The following ZC3H15 variants were observed in gnomAD, a reference collection of about 807,000 sequenced individuals.
ZC3H15 encodes zinc finger CCCH-type containing 15, also known as zinc finger CCCH domain-containing protein 15.
A neutral mutation model predicts 51.2 loss-of-function variants in ZC3H15; 15 were observed. That is an observed-to-expected ratio of 0.29 (90% CI 0.20 to 0.45). The LOEUF (loss-of-function observed/expected upper bound fraction) is 0.45, where lower values mean the gene tolerates loss of function less well. Among genes scored for constraint, ZC3H15 ranks in the 20% least tolerant of loss-of-function variants. The pLI is 1.00. For synonymous variants in ZC3H15, 144 were observed against 162.8 expected, an observed-to-expected ratio of 0.88 and a Z score of 0.88; for missense variants, 381 against 494.7, an observed-to-expected ratio of 0.77 and a Z score of 2.18.
chr2:186,502,437 T>C, intron 4 of ZC3H15, 59 bp from the exon 5 acceptor site: 1 of 1,357,386 alleles, frequency 7.4e-7, no homozygotes, highest in Non-Finnish European at 1.0e-6. Context: ...TCTAAGGAGA[T>C]ATGTGTTGTG....
At chr2:186,503,368 T>C (rs1685417952) in intron 5 of ZC3H15, among the ~76,000 whole-genome samples, 2 of 152,068 alleles carry the variant, frequency 1.3e-5, no homozygotes, top group South Asian at 4.1e-4. Context: ...CCAAAGAAAA[T>C]CATTTATTCT....
chr2:186,507,616 T>C, intron 9 of ZC3H15: 1 of 349,350 alleles, frequency 2.9e-6, no homozygotes, highest in Non-Finnish European at 5.7e-6. Context: ...TTGAGTTAGG[T>C]ACTTGAAGAA....
Position 186,505,534 on chromosome 2 carries a change from T to G in ZC3H15, c.801T>G (p.Ile267Met), listed in dbSNP as rs763944141. 17 of 1,606,038 alleles carry G rather than the reference T, an allele frequency of 1.1e-5. No individual in the cohort carries two copies. The highest frequency in any genetic ancestry group is 1.4e-5 in the Non-Finnish European group (16 of 1,177,774). The change falls in exon 7 of 10, where the codon ATT becomes ATG. Residue 267 changes from isoleucine to methionine, a missense_variant. Physicochemically the swap from Ile to Met is conservative, Grantham distance 10. Transcript: ENST00000337859. ...AGAAAAGGAAAAGACAAGAAAAGAT[T>G]GATAAACTTGAACAAGATATGGAAA... ...AWKKRKRQEK[I>M]DKLEQDMERR...
chr2:186,502,604 A>T lies in ZC3H15; in HGVS notation c.534+17A>T. Reference sequence around the variant, plus strand: ...ACTCAAATAGTATGTCCTTTTCTTGAATTGAGTTGCTGTGATATTTATCAT... The same window carrying T: ...ACTCAAATAGTATGTCCTTTTCTTGTATTGAGTTGCTGTGATATTTATCAT... On this transcript the variant is annotated intron_variant, in intron 5 of 9. Transcript: ENST00000337859. 2 of 1,588,660 alleles carry T rather than the reference A, an allele frequency of 1.3e-6. No individual in the cohort carries two copies. The highest frequency in any genetic ancestry group is 1.7e-6 in the Non-Finnish European group (2 of 1,161,636).
chr2:186,500,612 C>T, intron 3 of ZC3H15: 1 of 506,974 alleles, frequency 2.0e-6, no homozygotes, highest in South Asian at 1.5e-5. Context: ...AACTGTACGT[C>T]CCAAGTTTTT....
At chr2:186,507,374 C>CCT (rs565070073) in intron 9 of ZC3H15, 207 of 456,376 alleles carry the variant, frequency 4.5e-4, no homozygotes, top group African/African-American at 3.3e-3. Flanking sequence ...TGAATACAGT[C>CCT]CTCTCTCTCT....
chr2:186,505,023 C>G (rs574611245), intron 6 of ZC3H15: 218 of 152,390 alleles, frequency 1.4e-3, no homozygotes, highest in Non-Finnish European at 2.8e-3. Context: ...ATTTTTTGTT[C>G]TATATATTTA....
rs780707749 is a variant in ZC3H15, at chr2:186,508,653, C to T, written c.1201C>T (p.Pro401Ser). The T allele has an allele frequency of 3.1e-6, 5 of 1,614,034 alleles. No individual in the cohort carries two copies. The South Asian group carries it at 4.4e-5, about 14-fold the overall frequency. Reference sequence around the variant, plus strand: ...GGAAAATGGAGCCATTGATGCTGTTCCTGTTGATGAAAATCTTTTCACTGG... The same window carrying T: ...GGAAAATGGAGCCATTGATGCTGTTTCTGTTGATGAAAATCTTTTCACTGG... ...GTENGAIDAVPVDENLFTGED... is the reference protein window; with the variant it reads ...GTENGAIDAVSVDENLFTGED... The change falls in exon 10 of 10, where the codon CCT (proline) becomes TCT (serine). Residue 401 changes from proline (P) to serine (S), a missense_variant. Pro to Ser is a moderately conservative substitution (Grantham distance 74). Around this residue, in one of 3 missense-constraint regions of ZC3H15, gnomAD observed 215 missense variants for 241.8 expected, o/e 0.89. Coordinates refer to ENST00000337859, the MANE Select transcript of ZC3H15 (RefSeq NM_018471.3).
At position 186,500,477 on chromosome 2, in the gene ZC3H15, T is replaced by C. The variant is rs146024551; in HGVS notation, c.289+184T>C. On this transcript the variant is annotated intron_variant, in intron 3 of 9. Transcript: ENST00000337859. The stretch of plus-strand genomic sequence containing the variant: ...TCCTCTGTATATGTTCACATCTGTG[T>C]CATTGTACAGCTGAACTGCAGCCAT... 9.5e-3 allele frequency: 6,242 copies of C among 656,168 alleles called. 284 individuals carry two copies. The highest frequency in any genetic ancestry group is 0.085 in the Admixed American group (3,735 of 43,884). The allele number at this position is 656,168 out of a possible 1,614,324, so 40.6% of individuals were successfully genotyped here.
intron 5 of ZC3H15, among the ~76,000 whole-genome samples, chr2:186,503,705 G>C (rs1451671071): frequency 6.6e-6 from 1 of 152,128 alleles, no homozygotes; most frequent in Non-Finnish European, 1.5e-5. Flanking sequence ...ATAGCTAATT[G>C]TATATTCTGA....
intron 3 of ZC3H15, among the ~76,000 whole-genome samples, chr2:186,501,026 C>T (rs1224713781): frequency 1.3e-5 from 2 of 152,152 alleles, no homozygotes; most frequent in African/African-American, 4.8e-5. Context: ...TGTGAAATAG[C>T]CTATGTTCTT....
chr2:186,505,201 T>C lies in ZC3H15; in HGVS notation c.718-250T>C, dbSNP rs1033288344. ...TGATTCATGTTAAAACAATTTCTTA[T>C]GACAAGTTACTCATCTTCAATGGTG... On this transcript the variant is annotated intron_variant, in intron 6 of 9. Transcript: ENST00000337859. 8 of 225,316 alleles carry C rather than the reference T, an allele frequency of 3.6e-5. No individual in the cohort carries two copies. The East Asian group carries it at 5.1e-4, about 14-fold the overall frequency. The allele number at this position is 225,316 out of a possible 1,614,324, so 14.0% of individuals were successfully genotyped here. A position where few individuals can be genotyped will look rare whatever the true frequency, so the allele number is the denominator to read the frequency against.
chr2:186,495,193 CAT>C (rs1266343941), intron 1 of ZC3H15, 38 bp from the exon 2 acceptor site: 7 of 1,235,482 alleles, frequency 5.7e-6, no homozygotes, highest in African/African-American at 4.8e-5. Context: ...TATATGGTAA[CAT>C]AAATTGCTAA....
At chr2:186,507,698 G>C (rs1388861948) in intron 9 of ZC3H15, among the ~76,000 whole-genome samples, 2 of 152,148 alleles carry the variant, frequency 1.3e-5, no homozygotes, top group Non-Finnish European at 2.9e-5. Flanking sequence ...CAAAAGCTGA[G>C]ACAGAAAAGG....
Position 186,504,227 on chromosome 2 carries a change from C to T in ZC3H15, c.717+13C>T. ...AATTGAGAGAGAGGTAACTGGTATCCTTTTCCTACCATAAAAACTGAAAGC... is the reference window on the plus strand; with the variant it reads ...AATTGAGAGAGAGGTAACTGGTATCTTTTTCCTACCATAAAAACTGAAAGC... On this transcript the variant is annotated intron_variant, in intron 6 of 9. Coordinates refer to ENST00000337859, the MANE Select transcript of ZC3H15 (RefSeq NM_018471.3). 6.5e-7 allele frequency: 1 copy of T among 1,541,486 alleles called. No individual in the cohort carries two copies. Among genetic ancestry groups the T allele is most frequent in the African/African-American group, 1.4e-5 (1 of 72,084 alleles).
chr2:186,486,512 C>T lies in ZC3H15; in HGVS notation c.75+55C>T, dbSNP rs1172565266. 2.7e-6 allele frequency: 4 copies of T among 1,500,814 alleles called. No individual in the cohort carries two copies. The South Asian group carries it at 3.9e-5, about 15-fold the overall frequency. 93.0% of individuals were successfully genotyped at this position (1,500,814 alleles called of 1,614,324 possible). ...CGCGAGCCCTCCGGAAAGCCACTTC[C>T]CCGCTCCGGGCTTCCCTGGGAGCCG... On this transcript the variant is annotated intron_variant, in intron 1 of 9. Coordinates refer to ENST00000337859, the MANE Select transcript of ZC3H15 (RefSeq NM_018471.3).
chr2:186,508,638 G>A lies in ZC3H15; in HGVS notation c.1186G>A (p.Ala396Thr), dbSNP rs1574428938. Residue 396 changes from alanine (A) to threonine (T), a missense_variant, in exon 10 of 10, where the codon GCC (alanine) becomes ACC (threonine). By Grantham distance (58) the Ala-to-Thr change is moderately conservative (BLOSUM62 0). Around this residue, in one of 3 missense-constraint regions of ZC3H15, gnomAD observed 215 missense variants for 241.8 expected, o/e 0.89. Coordinates refer to ENST00000337859, the MANE Select transcript of ZC3H15 (RefSeq NM_018471.3). The stretch of plus-strand genomic sequence containing the variant: ...CGAGAGGGAGGGAACGGAAAATGGA[G>A]CCATTGATGCTGTTCCTGTTGATGA... ...DNEREGTENG[A>T]IDAVPVDENL... 1 of 1,614,098 alleles carries A rather than the reference G, an allele frequency of 6.2e-7. No individual in the cohort carries two copies. The highest frequency in any genetic ancestry group is 8.5e-7 in the Non-Finnish European group (1 of 1,179,992).
intron 2 of ZC3H15, chr2:186,497,006 T>C (rs1292376896): frequency 3.0e-6 from 1 of 336,828 alleles, no homozygotes; most frequent in Non-Finnish European, 5.7e-6. Flanking sequence ...TATTCTTTCA[T>C]ACGAATTTTA....
At chr2:186,502,447 G>A in intron 4 of ZC3H15, 49 bp from the exon 5 acceptor site, 1 of 1,437,498 alleles carries the variant, frequency 7.0e-7, no homozygotes, top group African/African-American at 1.4e-5. Context: ...TATGTGTTGT[G>A]GGAGTAGTAG....
Sources: allele counts gnomAD v4.1 joint callset (sites outside exome capture counted in the v4.1 genomes callset), GRCh38; gene constraint gnomAD v4.1.1; regional missense constraint gnomAD v4.1.1; transcripts MANE v1.5; gene names NCBI Gene and HGNC (gene_info 2026-07-23, HGNC 2026-07-21).